CSMD1: variants seen among roughly 807,000 people sequenced by gnomAD.
The protein encoded by CSMD1 is CUB and Sushi multiple domains 1, also known as CUB and sushi domain-containing protein 1.
In CSMD1, 213 loss-of-function variants were observed where a neutral mutation model predicts 417.5. The ratio of observed to expected loss-of-function variants is 0.51; its 90% CI spans 0.46 to 0.57. The LOEUF is 0.57. CSMD1 is among the 20% of genes least tolerant of loss of function. The probability of loss-of-function intolerance (pLI) is 0.00; values close to 1 mark genes in which losing one functional copy is unlikely to be tolerated. For missense variants in CSMD1, 6,923 were observed against 4,529.7 expected (o/e 1.53, Z -15.17); for synonymous variants, 2,862 against 1,736.8 (o/e 1.65, Z -16.11).
intron 1 of CSMD1, among the ~76,000 whole-genome samples, chr8:4,696,891 G>C (rs1377450551): frequency 5.3e-5 from 8 of 152,186 alleles, no homozygotes. Flanking sequence ...CAAAAAATCA[G>C]GGCCAGGTTC....
chr8:4,960,543 C>G (rs1264111898), intron 1 of CSMD1, among the ~76,000 whole-genome samples: 1 of 152,136 alleles, frequency 6.6e-6, no homozygotes, highest in African/African-American at 2.4e-5. Context: ...GCTTGTACAT[C>G]TTATGTTAAA....
intron 2 of CSMD1, among the ~76,000 whole-genome samples, chr8:4,497,646 G>C (rs969827448): frequency 6.6e-6 from 1 of 152,122 alleles, no homozygotes; most frequent in Non-Finnish European, 1.5e-5. Context: ...ATGGGAACTC[G>C]TGCCCCAGTG....
At chr8:4,641,771 A>C (rs1303011947) in intron 1 of CSMD1, among the ~76,000 whole-genome samples, 1 of 152,212 alleles carries the variant, frequency 6.6e-6, no homozygotes, top group Non-Finnish European at 1.5e-5. Flanking sequence ...ATGGTGAGTA[A>C]ATACAGACAT....
intron 1 of CSMD1, among the ~76,000 whole-genome samples, chr8:4,644,339 A>G (rs1188920233): frequency 6.6e-6 from 1 of 152,132 alleles, no homozygotes; most frequent in Non-Finnish European, 1.5e-5. Flanking sequence ...GGTCTCACTC[A>G]ATGCAGTATA....
intron 23 of CSMD1, among the ~76,000 whole-genome samples, chr8:3,330,308 C>CA (rs1193087041): frequency 2.0e-5 from 3 of 152,166 alleles, no homozygotes; most frequent in African/African-American, 7.2e-5. Context: ...ATGTTCGATG[C>CA]AGCAGTATTC....
At chr8:4,761,929 A>ATCTATCTG (rs1458159667) in intron 1 of CSMD1, among the ~76,000 whole-genome samples, 6 of 148,782 alleles carry the variant, frequency 4.0e-5, no homozygotes, top group Non-Finnish European at 7.5e-5. Context: ...CTATCTATCT[A>ATCTATCTG]TCTATCTATC....
At chr8:4,433,568 A>C (rs1215789091) in intron 2 of CSMD1, among the ~76,000 whole-genome samples, 2 of 152,172 alleles carry the variant, frequency 1.3e-5, no homozygotes, top group Non-Finnish European at 2.9e-5. Context: ...CATGTGCTGC[A>C]ACAGAGAGAT....
At chr8:4,347,172 G>C (rs781733261) in intron 3 of CSMD1, among the ~76,000 whole-genome samples, 8 of 152,074 alleles carry the variant, frequency 5.3e-5, no homozygotes, top group African/African-American at 1.9e-4. Flanking sequence ...CGGTGTTCAA[G>C]TTTTAGCTTT....
At chr8:4,052,286 A>C (rs987572381) in intron 3 of CSMD1, among the ~76,000 whole-genome samples, 2 of 152,188 alleles carry the variant, frequency 1.3e-5, no homozygotes, top group African/African-American at 4.8e-5. Flanking sequence ...CATTTGGCAA[A>C]AGATTAGAGA....
intron 11 of CSMD1, among the ~76,000 whole-genome samples, chr8:3,471,038 C>T (rs1415131766): frequency 6.6e-6 from 1 of 152,126 alleles, no homozygotes; most frequent in Non-Finnish European, 1.5e-5. Context: ...GATAAAAGCG[C>T]AAGAGGGCAA....
At chr8:4,344,639 G>C (rs1305055475) in intron 3 of CSMD1, among the ~76,000 whole-genome samples, 1 of 151,724 alleles carries the variant, frequency 6.6e-6, no homozygotes, top group Non-Finnish European at 1.5e-5. Context: ...AGGAAGGTTT[G>C]TTTAAAAGCA....
intron 10 of CSMD1, among the ~76,000 whole-genome samples, chr8:3,573,353 T>C (rs779515210): frequency 5.3e-5 from 8 of 152,160 alleles, no homozygotes; most frequent in Non-Finnish European, 1.0e-4. Flanking sequence ...AACAAACCAT[T>C]GAGTAGCATA....
intron 5 of CSMD1, among the ~76,000 whole-genome samples, chr8:3,856,615 C>G (rs778167137): frequency 1.3e-5 from 2 of 152,180 alleles, no homozygotes; most frequent in Non-Finnish European, 2.9e-5. Flanking sequence ...TAGTCCTTTT[C>G]TATGGTGCCC....
intron 5 of CSMD1, among the ~76,000 whole-genome samples, chr8:3,909,123 C>A (rs1808292206): frequency 6.6e-6 from 1 of 152,160 alleles, no homozygotes; most frequent in Non-Finnish European, 1.5e-5. Flanking sequence ...AAGCAATATT[C>A]TGGAGAGGCT....
At chr8:2,946,051 T>C (rs1318685953) in intron 68 of CSMD1, among the ~76,000 whole-genome samples, 4 of 152,278 alleles carry the variant, frequency 2.6e-5, no homozygotes. Context: ...TAGACGGTGT[T>C]GCCTACTGCA....
At chr8:4,411,003 C>G (rs1258495616) in intron 3 of CSMD1, among the ~76,000 whole-genome samples, 1 of 152,084 alleles carries the variant, frequency 6.6e-6, no homozygotes, top group Non-Finnish European at 1.5e-5. Context: ...GCCCCTGTGT[C>G]TTACCTCTTT....
rs545091462 is a variant in CSMD1 at position 4,226,438 on chromosome 8, C to T, written c.415+193515G>A. On this transcript the variant is annotated intron_variant, in intron 3 of 69. Transcript: ENST00000635120. ...CATAACATGCAGAATTAATTCAGCA[C>T]ACAAAAACAGCAAAGAATTAAAATA... Among the ~76,000 whole-genome samples the T allele has an allele frequency of 7.2e-5, 11 of 152,216 alleles. No homozygotes were observed. The South Asian group carries it at 1.9e-3, about 26-fold the overall frequency.
intron 3 of CSMD1, among the ~76,000 whole-genome samples, chr8:4,045,211 G>A (rs913676115): frequency 1.3e-5 from 2 of 152,146 alleles, no homozygotes; most frequent in South Asian, 4.1e-4. Flanking sequence ...AACCCACAAT[G>A]TGGGCGACAG....
Position 3,549,261 on chromosome 8 carries a change from G to A in CSMD1, c.1344+25684C>T, listed in dbSNP as rs80124054. 2.8e-3 allele frequency among the ~76,000 whole-genome samples: 422 copies of A among 152,366 alleles called. 2 individuals carry two copies. The highest frequency in any genetic ancestry group is 9.7e-3 in the African/African-American group (405 of 41,572). ...AAAGGGTTGTGGAGACCACAAAGGCGAAGTGTGCCAGTGACTGTGTGTCCT... is the reference window on the plus strand; with the variant it reads ...AAAGGGTTGTGGAGACCACAAAGGCAAAGTGTGCCAGTGACTGTGTGTCCT... On this transcript the variant is annotated intron_variant, in intron 10 of 69. Coordinates refer to ENST00000635120, the MANE Select transcript of CSMD1 (RefSeq NM_033225.6).
Sources: allele counts gnomAD v4.1 joint callset (sites outside exome capture counted in the v4.1 genomes callset), GRCh38; gene constraint gnomAD v4.1.1; transcripts MANE v1.5; gene names NCBI Gene and HGNC (gene_info 2026-07-23, HGNC 2026-07-21).